MBD5: variants seen among roughly 807,000 people sequenced by gnomAD.
The protein encoded by MBD5 is methyl-CpG-binding domain protein 5.
MBD5 carries 13 observed loss-of-function variants against 117.3 expected under a neutral mutation model. The observed-to-expected ratio is 0.11, with a 90% CI of 0.07 to 0.18. The LOEUF is 0.18. MBD5 is among the 10% of genes least tolerant of loss of function. The pLI, the probability that MBD5 is intolerant of heterozygous loss-of-function variation, is 1.00. For synonymous variants in MBD5, 727 were observed against 766.4 expected, an observed-to-expected ratio of 0.95 and a Z score of 0.85; for missense variants, 1,879 against 2,093.8, an observed-to-expected ratio of 0.90 and a Z score of 2.00.
intron 1 of MBD5, among the ~76,000 whole-genome samples, chr2:148,081,031 A>C (rs1471637805): frequency 6.6e-6 from 1 of 152,206 alleles, no homozygotes; most frequent in Non-Finnish European, 1.5e-5. Flanking sequence ...AACGGCACTT[A>C]TATTAAATAT....
intron 3 of MBD5, among the ~76,000 whole-genome samples, chr2:148,323,696 T>G (rs1302616273): frequency 1.3e-5 from 2 of 152,206 alleles, no homozygotes; most frequent in African/African-American, 4.8e-5. Context: ...TGGGGTTGTT[T>G]GTTTTTTTCT....
intron 3 of MBD5, among the ~76,000 whole-genome samples, chr2:148,311,168 G>C: frequency 6.6e-6 from 1 of 152,116 alleles, no homozygotes; most frequent in East Asian, 1.9e-4. Flanking sequence ...AGGTCGGCTT[G>C]GTCCAGAGCT....
At chr2:148,024,865 A>G (rs1374964644) in intron 1 of MBD5, 6 of 152,210 alleles carry the variant, frequency 3.9e-5, no homozygotes, top group African/African-American at 1.2e-4. Context: ...GACCGGTGCA[A>G]TAGGTTGTTG....
At chr2:148,294,228 T>G (rs1265861765) in intron 3 of MBD5, among the ~76,000 whole-genome samples, 13 of 33,568 alleles carry the variant, frequency 3.9e-4, no homozygotes, top group East Asian at 1.0e-3. Flanking sequence ...TTTTTTTTTT[T>G]TTTTTTTTTT....
At chr2:148,428,945 C>T (rs1705897393) in intron 4 of MBD5, among the ~76,000 whole-genome samples, 1 of 152,172 alleles carries the variant, frequency 6.6e-6, no homozygotes, top group Non-Finnish European at 1.5e-5. Flanking sequence ...GCAAAGCCTT[C>T]ATGACCAAAA....
At chr2:148,368,283 A>G (rs1703760272) in intron 4 of MBD5, among the ~76,000 whole-genome samples, 1 of 152,106 alleles carries the variant, frequency 6.6e-6, no homozygotes, top group Non-Finnish European at 1.5e-5. Flanking sequence ...CAATGAGAAC[A>G]TATGGGCACA....
intron 4 of MBD5, among the ~76,000 whole-genome samples, chr2:148,427,485 T>A (rs760250673): frequency 2.0e-5 from 3 of 152,128 alleles, no homozygotes; most frequent in South Asian, 2.1e-4. Flanking sequence ...TCATGTCCTT[T>A]GTAGGGACAT....
rs761565248 is a variant in MBD5 at position 148,469,590 on chromosome 2, T to G, written c.1647T>G (p.Ser549Arg). The G allele has an allele frequency of 6.2e-7, 1 of 1,613,928 alleles. No homozygotes were observed. The highest frequency in any genetic ancestry group is 8.5e-7 in the Non-Finnish European group (1 of 1,179,924). The change falls in exon 8 of 14, where the codon AGT (serine) becomes AGG (arginine). Residue 549 changes from serine to arginine, a missense_variant. By Grantham distance (110) the Ser-to-Arg change is moderately radical. This residue lies in a region of MBD5 where 1,666 missense variants were observed against 1,792.2 expected (regional missense o/e 0.93). Transcript: ENST00000642680. ...AAFPTASAGS[S>R]SVKSQPGLLG... is the part of the protein sequence containing the mutation. ...TTCCTACTGCATCTGCCGGAAGTAGTTCTGTAAAGAGTCAGCCTGGTTTGC... is the reference window on the plus strand; with the variant it reads ...TTCCTACTGCATCTGCCGGAAGTAGGTCTGTAAAGAGTCAGCCTGGTTTGC...
intron 1 of MBD5, among the ~76,000 whole-genome samples, chr2:148,085,436 T>G (rs1457098772): frequency 6.6e-6 from 1 of 152,158 alleles, no homozygotes; most frequent in Non-Finnish European, 1.5e-5. Flanking sequence ...TTTAAAAGTT[T>G]TGGAGCGGCC....
At chr2:148,115,087 C>A (rs1696600664) in intron 1 of MBD5, among the ~76,000 whole-genome samples, 1 of 151,998 alleles carries the variant, frequency 6.6e-6, no homozygotes, top group Admixed American at 6.6e-5. Context: ...TCTAATCGTT[C>A]TGTACAAGTT....
At chr2:148,108,647 C>T (rs1400097354) in intron 1 of MBD5, among the ~76,000 whole-genome samples, 1 of 152,042 alleles carries the variant, frequency 6.6e-6, no homozygotes, top group Non-Finnish European at 1.5e-5. Flanking sequence ...CCAGTCTTAA[C>T]TTAATCTTGT....
intron 2 of MBD5, among the ~76,000 whole-genome samples, chr2:148,197,265 T>G (rs1699012241): frequency 6.6e-6 from 1 of 152,162 alleles, no homozygotes; most frequent in Non-Finnish European, 1.5e-5. Context: ...ACCAAGCATG[T>G]GATGGAGCAA....
intron 3 of MBD5, among the ~76,000 whole-genome samples, chr2:148,299,134 C>CT (rs201352160): frequency 0.091 from 13,247 of 146,250 alleles, 812 homozygotes; most frequent in African/African-American, 0.17. Flanking sequence ...AAAGAACTTT[C>CT]TTTTTTTTTT....
intron 3 of MBD5, among the ~76,000 whole-genome samples, chr2:148,241,765 G>T (rs190558236): frequency 6.6e-6 from 1 of 152,224 alleles, no homozygotes; most frequent in East Asian, 1.9e-4. Flanking sequence ...GTTGCCCAGT[G>T]ATGTTATCTT....
At chr2:148,332,492 T>C (rs762466267) in intron 3 of MBD5, among the ~76,000 whole-genome samples, 20 of 152,198 alleles carry the variant, frequency 1.3e-4, no homozygotes, top group Non-Finnish European at 1.2e-4. Flanking sequence ...TTTCATGTCT[T>C]TTCCTTCTTG....
At chr2:148,333,844 C>A (rs911823759) in intron 3 of MBD5, among the ~76,000 whole-genome samples, 4 of 151,886 alleles carry the variant, frequency 2.6e-5, no homozygotes, top group Admixed American at 2.0e-4. Flanking sequence ...GACAACAGAG[C>A]AAGACCCCAT....
intron 4 of MBD5, among the ~76,000 whole-genome samples, chr2:148,404,338 T>C (rs945015496): frequency 2.6e-5 from 4 of 151,136 alleles, no homozygotes; most frequent in African/African-American, 9.8e-5. Context: ...TATTCTACCC[T>C]ATACCTACGA....
chr2:148,398,578 A>G (rs1704811809), intron 4 of MBD5, among the ~76,000 whole-genome samples: 1 of 152,136 alleles, frequency 6.6e-6, no homozygotes, highest in African/African-American at 2.4e-5. Context: ...GTAGATTGCA[A>G]AAAGTTTCTC....
intron 3 of MBD5, among the ~76,000 whole-genome samples, chr2:148,306,997 A>G (rs1302007123): frequency 6.6e-6 from 1 of 152,198 alleles, no homozygotes; most frequent in Admixed American, 6.5e-5. Flanking sequence ...ACACCAATGT[A>G]GGGTAACATC....
Sources: allele counts gnomAD v4.1 joint callset (sites outside exome capture counted in the v4.1 genomes callset), GRCh38; gene constraint gnomAD v4.1.1; regional missense constraint gnomAD v4.1.1; transcripts MANE v1.5; gene names NCBI Gene and HGNC (gene_info 2026-07-23, HGNC 2026-07-21).